The following LDLRAD4 variants were observed in gnomAD, a reference collection of about 807,000 sequenced individuals.
The protein encoded by LDLRAD4 is low-density lipoprotein receptor class A domain-containing protein 4.
LDLRAD4 carries 5 observed loss-of-function variants against 17.0 expected under a neutral mutation model. The observed-to-expected ratio is 0.29, with a 90% CI of 0.15 to 0.62. The LOEUF is 0.62. Ranked by LOEUF, LDLRAD4 falls within the 20% of genes least tolerant of loss-of-function variation. LDLRAD4 has a pLI of 0.84. For missense variants in LDLRAD4, 340 were observed against 424.7 expected (o/e 0.80, Z 1.75); for synonymous variants, 168 against 171.8 (o/e 0.98, Z 0.17).
chr18:13,566,764 G>A (rs1482268225), intron 3 of LDLRAD4, among the ~76,000 whole-genome samples: 1 of 152,150 alleles, frequency 6.6e-6, no homozygotes, highest in Admixed American at 6.5e-5. Context: ...TTGACACATG[G>A]GTTCTCCCCA....
chr18:13,342,833 A>G (rs2082452762), intron 1 of LDLRAD4, among the ~76,000 whole-genome samples: 1 of 151,724 alleles, frequency 6.6e-6, no homozygotes, highest in South Asian at 2.1e-4. Flanking sequence ...AGGGAGTTTA[A>G]TCTGTTTATA....
rs370044077 is a variant in LDLRAD4, at chr18:13,645,450, T to C, written c.714T>C (p.Ser238=). The C allele has an allele frequency of 8.1e-6, 13 of 1,613,388 alleles. No homozygotes were observed. The highest frequency in any genetic ancestry group is 1.1e-5 in the Non-Finnish European group (13 of 1,179,630). Residue 238 remains serine (S), a synonymous_variant, in exon 6 of 6, where the codon AGT becomes AGC. Coordinates refer to ENST00000359446, the Ensembl canonical transcript of LDLRAD4. This position sits in a 1 kb window ranked among gnomAD's most constrained non-coding sequence, Gnocchi z 5.7. Reference sequence around the variant, plus strand: ...CACCCAGCAGCAACTCGGGCATCAGTGCAAGCACCTGCAGCAGTAACGGGA... The same window carrying C: ...CACCCAGCAGCAACTCGGGCATCAGCGCAAGCACCTGCAGCAGTAACGGGA...
chr18:13,525,413 A>T (rs1204104955), intron 3 of LDLRAD4, among the ~76,000 whole-genome samples: 2 of 152,158 alleles, frequency 1.3e-5, no homozygotes, highest in Non-Finnish European at 2.9e-5. Context: ...CTTTCAGACC[A>T]CAGAGCTGCT....
chr18:13,241,572 G>A (rs2042651290), intron 1 of LDLRAD4: 2 of 152,450 alleles, frequency 1.3e-5, no homozygotes, highest in Admixed American at 1.3e-4. Context: ...CAGGGGCAGA[G>A]AGAGCAGCAG....
At chr18:13,302,071 A>G (rs112904463) in intron 1 of LDLRAD4, among the ~76,000 whole-genome samples, 10 of 152,272 alleles carry the variant, frequency 6.6e-5, no homozygotes, top group African/African-American at 2.4e-4. Context: ...GCTTTGCCCA[A>G]CCCTGGGATA....
chr18:13,461,811 C>T (rs1466336206), intron 3 of LDLRAD4, among the ~76,000 whole-genome samples: 2 of 152,210 alleles, frequency 1.3e-5, no homozygotes, highest in Non-Finnish European at 2.9e-5. Flanking sequence ...AGTGAAGTTA[C>T]AAAGTTATAC....
intron 1 of LDLRAD4, among the ~76,000 whole-genome samples, chr18:13,257,172 C>T (rs755723150): frequency 1.2e-4 from 19 of 152,198 alleles, no homozygotes; most frequent in Non-Finnish European, 2.2e-4. Context: ...GCGGCCCTGG[C>T]TCAGAAAGGC....
intron 3 of LDLRAD4, chr18:13,615,248 G>A (rs1175842930): frequency 6.6e-6 from 1 of 152,270 alleles, no homozygotes; most frequent in African/African-American, 2.4e-5. Context: ...TGGGGAAAGA[G>A]AGGAACGCAT....
chr18:13,593,304 C>A (rs540515075), intron 3 of LDLRAD4, among the ~76,000 whole-genome samples: 1 of 152,342 alleles, frequency 6.6e-6, no homozygotes, highest in Non-Finnish European at 1.5e-5. Flanking sequence ...CAGAGGGAGA[C>A]TGCGTCTTAA....
chr18:13,374,929 C>T (rs534663124), intron 1 of LDLRAD4, among the ~76,000 whole-genome samples: 12 of 152,252 alleles, frequency 7.9e-5, no homozygotes, highest in East Asian at 1.9e-4. Context: ...AGCCCCATGA[C>T]GGGGATGGAG....
rs531843876 is a variant in LDLRAD4, at chr18:13,367,890, C to T, written c.-382-19451C>T. Reference sequence around the variant, plus strand: ...GAGAGGGGACGACTGGGCATGGGGGCGTGTGCCTGTGGTCACAGCTACTCA... The same window carrying T: ...GAGAGGGGACGACTGGGCATGGGGGTGTGTGCCTGTGGTCACAGCTACTCA... On this transcript the variant is annotated intron_variant, in intron 1 of 5. Transcript: ENST00000359446. The surrounding 1 kb of genome is among the most constrained non-coding windows in gnomAD (Gnocchi z 4.1). Among the ~76,000 whole-genome samples, 1 of 151,936 alleles carries T rather than the reference C, an allele frequency of 6.6e-6. No homozygotes were observed. Among genetic ancestry groups the T allele is most frequent in the East Asian group, 1.9e-4 (1 of 5,164 alleles).
intron 3 of LDLRAD4, among the ~76,000 whole-genome samples, chr18:13,524,266 C>A (rs1009977355): frequency 2.0e-5 from 3 of 152,214 alleles, no homozygotes; most frequent in African/African-American, 7.2e-5. Flanking sequence ...AAAAAACACA[C>A]GTGATCAGCA....
chr18:13,475,517 G>A (rs2092917268), intron 3 of LDLRAD4, among the ~76,000 whole-genome samples: 1 of 150,604 alleles, frequency 6.6e-6, no homozygotes, highest in African/African-American at 2.4e-5. Flanking sequence ...CTCCTAAAGT[G>A]CTGGGATTAC....
At chr18:13,526,600 G>A (rs141302068) in intron 3 of LDLRAD4, 1 of 152,160 alleles carries the variant, frequency 6.6e-6, no homozygotes, top group African/African-American at 2.4e-5. Context: ...TGTTACTCTT[G>A]TGAGGTTATT....
intron 4 of LDLRAD4, among the ~76,000 whole-genome samples, chr18:13,629,819 CA>C (rs1243649582): frequency 6.6e-6 from 1 of 151,796 alleles, no homozygotes; most frequent in Non-Finnish European, 1.5e-5. Context: ...TCTTAATGAT[CA>C]TAACTCTGGG....
chr18:13,559,701 A>G (rs2094520469), intron 3 of LDLRAD4, among the ~76,000 whole-genome samples: 1 of 152,200 alleles, frequency 6.6e-6, no homozygotes, highest in South Asian at 2.1e-4. Context: ...TCTAGAGACC[A>G]ACATCACACT....
chr18:13,562,282 T>C (rs140722615), intron 3 of LDLRAD4, among the ~76,000 whole-genome samples: 1 of 152,316 alleles, frequency 6.6e-6, no homozygotes, highest in Non-Finnish European at 1.5e-5. Flanking sequence ...ATCACCATCC[T>C]TGATCCCGGT....
chr18:13,377,721 A>G (rs999089841), intron 1 of LDLRAD4, among the ~76,000 whole-genome samples: 1 of 152,206 alleles, frequency 6.6e-6, no homozygotes, highest in Non-Finnish European at 1.5e-5. Flanking sequence ...CCGCCAGAGC[A>G]CAAACTGCTG....
intron 4 of LDLRAD4, among the ~76,000 whole-genome samples, chr18:13,630,198 T>C (rs762378318): frequency 2.6e-5 from 4 of 152,162 alleles, no homozygotes; most frequent in Admixed American, 6.5e-5. Flanking sequence ...CCTAGATGAT[T>C]TGTCTTTTCT....
Sources: gnomAD v4.1 joint callset for allele counts (sites outside exome capture counted in the v4.1 genomes callset) on GRCh38, gnomAD v4.1.1 for gene constraint, Gnocchi (gnomAD v3.1) non-coding constraint, MANE v1.5 for transcripts, NCBI Gene and HGNC (gene_info 2026-07-23, HGNC 2026-07-21) for gene names.